C1QTNF2: variants seen among roughly 807,000 people sequenced by gnomAD.
C1QTNF2 encodes C1q and TNF related 2.
A neutral mutation model predicts 17.4 loss-of-function variants in C1QTNF2; 15 were observed. That is an observed-to-expected ratio of 0.86 (90% CI 0.58 to 1.33). The LOEUF (loss-of-function observed/expected upper bound fraction) is 1.33, where lower values mean the gene tolerates loss of function less well. C1QTNF2 is among the 40% of genes most tolerant of loss of function. C1QTNF2 has a pLI of 0.00. For missense variants in C1QTNF2, 381 were observed against 392.3 expected, an observed-to-expected ratio of 0.97 and a Z score of 0.24; for synonymous variants, 154 against 163.3, an observed-to-expected ratio of 0.94 and a Z score of 0.44.
chr5:160,353,853 G>GAGTGC (rs1225947162), intron 2 of C1QTNF2, among the ~76,000 whole-genome samples: 2 of 139,276 alleles, frequency 1.4e-5, no homozygotes, highest in Non-Finnish European at 3.0e-5. Context: ...TCCCAGGCTG[G>GAGTGC]AGTGCAGTGG....
intron 1 of C1QTNF2, among the ~76,000 whole-genome samples, chr5:160,360,955 C>T (rs545770729): frequency 2.0e-4 from 31 of 152,048 alleles, no homozygotes; most frequent in Admixed American, 3.3e-4. Flanking sequence ...CCACCATGCC[C>T]GGCTAATTTT....
Position 160,370,554 on chromosome 5 carries a change from A to G in C1QTNF2, c.-52T>C, listed in dbSNP as rs1184372344. ...ACGTCCAGGGGCGTCCGGAGCAAAG[A>G]AGCTCTCGGCGGGGCTCCGCGTCCC... On this transcript the variant is annotated 5_prime_UTR_variant, in exon 1 of 3. Coordinates refer to ENST00000652664, the MANE Select transcript of C1QTNF2 (RefSeq NM_031908.6). The G allele has an allele frequency of 1.9e-5, 28 of 1,485,614 alleles. No individual in the cohort carries two copies. The highest frequency in any genetic ancestry group is 2.5e-5 in the Non-Finnish European group (28 of 1,124,376). The allele number at this position is 1,485,614 out of a possible 1,614,324, so 92.0% of individuals were successfully genotyped here. A position where few individuals can be genotyped will look rare whatever the true frequency, so the allele number is the denominator to read the frequency against.
chr5:160,358,105 G>A (rs1237332153), intron 1 of C1QTNF2, among the ~76,000 whole-genome samples: 2 of 152,272 alleles, frequency 1.3e-5, no homozygotes, highest in Non-Finnish European at 2.9e-5. Context: ...TGCCTGGGTG[G>A]AAGGGTGTGT....
In C1QTNF2 at chr5:160,356,247, C is replaced by T. The variant is rs555825598; in HGVS notation, c.-9-1227G>A. Among the ~76,000 whole-genome samples, 110 of 152,302 alleles carry T rather than the reference C, an allele frequency of 7.2e-4. 1 individual carries two copies. Among genetic ancestry groups the T allele is most frequent in the African/African-American group, 2.6e-3 (108 of 41,564 alleles). ...TCCCAGGCATGACTTCCTGCCATGG[C>T]GATTAACTATAAAATGGCAACTTGC... On this transcript the variant is annotated intron_variant, in intron 1 of 2. Coordinates refer to ENST00000652664, the MANE Select transcript of C1QTNF2 (RefSeq NM_031908.6).
At chr5:160,365,539 C>A (rs1764231128) in intron 1 of C1QTNF2, among the ~76,000 whole-genome samples, 1 of 151,982 alleles carries the variant, frequency 6.6e-6, no homozygotes, top group East Asian at 1.9e-4. Context: ...AAGTGAGACC[C>A]TCTGGGCAAC....
At chr5:160,364,529 T>C (rs1764212652) in intron 1 of C1QTNF2, among the ~76,000 whole-genome samples, 1 of 152,262 alleles carries the variant, frequency 6.6e-6, no homozygotes, top group South Asian at 2.1e-4. Flanking sequence ...AATGTAATGA[T>C]ACGAGTTTTA....
intron 2 of C1QTNF2, among the ~76,000 whole-genome samples, chr5:160,350,013 T>C (rs897970434): frequency 3.9e-5 from 6 of 152,190 alleles, no homozygotes; most frequent in Non-Finnish European, 8.8e-5. Flanking sequence ...AAAGAATAAC[T>C]TGTAACAGTT....
chr5:160,358,278 C>T (rs1431277504), intron 1 of C1QTNF2, among the ~76,000 whole-genome samples: 1 of 152,166 alleles, frequency 6.6e-6, no homozygotes, highest in Non-Finnish European at 1.5e-5. Context: ...AGGAGAGTCT[C>T]CTTGCCTCCA....
At position 160,354,596 on chromosome 5, in the gene C1QTNF2, AAGT is replaced by A. The variant is rs1490703815; in HGVS notation, c.244+169_244+171del. On this transcript the variant is annotated intron_variant, in intron 2 of 2. Coordinates refer to ENST00000652664, the MANE Select transcript of C1QTNF2 (RefSeq NM_031908.6). ...TCTGTCTCAAGGGGAAAAAAAAAAA[AAGT>A]ATATATATATATATATATATATATA... 5.6e-4 allele frequency among the ~76,000 whole-genome samples: 28 copies of A among 49,920 alleles called. 1 individual carries two copies. Among genetic ancestry groups the A allele is most frequent in the African/African-American group, 1.3e-3 (14 of 11,140 alleles). 32.7% of individuals were successfully genotyped at this position (49,920 alleles called of 152,430 possible). A position where few individuals can be genotyped will look rare whatever the true frequency, so the allele number is the denominator to read the frequency against.
At position 160,349,397 on chromosome 5, in the gene C1QTNF2, A is replaced by T; in HGVS notation, c.629T>A (p.Ile210Asn). The change falls in exon 3 of 3, where the codon ATC becomes AAC. Residue 210 changes from isoleucine to asparagine, a missense_variant. By Grantham distance (149) the Ile-to-Asn change is moderately radical (BLOSUM62 -3). Transcript: ENST00000652664. The surrounding 1 kb of genome is among the most constrained non-coding windows in gnomAD (Gnocchi z 4.3). ...GTACTGGCCGTTGTGCACCAGGCCG[A>T]TGGCCAGGTGCTTGTTGGCCAGCGT... is the stretch of plus-strand genomic sequence containing the variant. Reference protein sequence around the residue: ...DITLANKHLAIGLVHNGQYRI... With the variant: ...DITLANKHLANGLVHNGQYRI... 6.2e-7 allele frequency: 1 copy of T among 1,613,940 alleles called. No individual in the cohort carries two copies. Among genetic ancestry groups the T allele is most frequent in the Non-Finnish European group, 8.5e-7 (1 of 1,179,996 alleles).
Position 160,354,788 on chromosome 5 carries a change from C to A in C1QTNF2, c.224G>T (p.Arg75Leu), listed in dbSNP as rs766761788. The A allele has an allele frequency of 1.7e-5, 27 of 1,613,564 alleles. No individual in the cohort carries two copies. Among genetic ancestry groups the A allele is most frequent in the Non-Finnish European group, 2.2e-5 (26 of 1,179,938 alleles). The change falls in exon 2 of 3, where the codon CGG becomes CTG. Residue 75 changes from arginine (R) to leucine (L), a missense_variant. Coordinates refer to ENST00000652664, the MANE Select transcript of C1QTNF2 (RefSeq NM_031908.6). ...CTTACCTTCCTCTCCGCTGTCCCCC[C>A]GGTCGCCGTCGTGTCCATCTTGGCC... ...KDGQDGHDGDRGDSGEEGPPG... is the reference protein window; with the variant it reads ...KDGQDGHDGDLGDSGEEGPPG...
intron 1 of C1QTNF2, among the ~76,000 whole-genome samples, chr5:160,357,197 C>T (rs535517409): frequency 8.7e-4 from 132 of 152,282 alleles, no homozygotes; most frequent in African/African-American, 2.9e-3. Context: ...TGGCCTTGCC[C>T]GTTTCACACC....
intron 2 of C1QTNF2, among the ~76,000 whole-genome samples, chr5:160,352,134 C>T (rs1035431693): frequency 3.9e-5 from 6 of 152,158 alleles, no homozygotes; most frequent in Admixed American, 1.3e-4. Context: ...TGGTCTCAAA[C>T]TCCTGGCCTC....
intron 2 of C1QTNF2, among the ~76,000 whole-genome samples, chr5:160,352,627 G>T (rs11748304): frequency 1.3e-5 from 2 of 152,118 alleles, no homozygotes; most frequent in Non-Finnish European, 2.9e-5. Flanking sequence ...AGGATCCATA[G>T]GCAAATCTCA....
chr5:160,355,231 A>G, intron 1 of C1QTNF2: 6 of 985,088 alleles, frequency 6.1e-6, no homozygotes, highest in Non-Finnish European at 7.2e-6. Flanking sequence ...CATTACCCAG[A>G]ATACACTTCG....
intron 1 of C1QTNF2, among the ~76,000 whole-genome samples, chr5:160,355,493 C>G (rs1764031025): frequency 6.6e-6 from 1 of 152,152 alleles, no homozygotes; most frequent in Non-Finnish European, 1.5e-5. Flanking sequence ...ATGAGGAGGG[C>G]TGAGGATTCA....
intron 2 of C1QTNF2, among the ~76,000 whole-genome samples, chr5:160,350,472 G>C (rs769965775): frequency 6.6e-6 from 1 of 152,190 alleles, no homozygotes; most frequent in African/African-American, 2.4e-5. Context: ...GGGAAGCTGG[G>C]ACTGGAGGAT....
In C1QTNF2 at chr5:160,349,084, C is replaced by T. The variant is rs1011902403; in HGVS notation, c.*84G>A. The T allele has an allele frequency of 4.0e-6, 6 of 1,503,742 alleles. No individual in the cohort carries two copies. The highest frequency in any genetic ancestry group is 4.5e-5 in the East Asian group (2 of 43,984). 93.1% of individuals were successfully genotyped at this position (1,503,742 alleles called of 1,614,324 possible). A position where few individuals can be genotyped will look rare whatever the true frequency, so the allele number is the denominator to read the frequency against. ...CTAGAACCGCTCACTCGACCCCCCA[C>T]CCCCAGCCTACAGTTGTGGGGTCTT... On this transcript the variant is annotated 3_prime_UTR_variant, in exon 3 of 3. Transcript: ENST00000652664. The surrounding 1 kb of genome is among the most constrained non-coding windows in gnomAD (Gnocchi z 4.3).
intron 2 of C1QTNF2, among the ~76,000 whole-genome samples, chr5:160,354,395 T>A (rs1763986854): frequency 6.6e-6 from 1 of 151,476 alleles, no homozygotes; most frequent in Non-Finnish European, 1.5e-5. Flanking sequence ...CTGGCCAACA[T>A]GGTGAAACCC....
Sources: gnomAD v4.1 joint callset for allele counts (sites outside exome capture counted in the v4.1 genomes callset) on GRCh38, gnomAD v4.1.1 for gene constraint, Gnocchi (gnomAD v3.1) non-coding constraint, MANE v1.5 for transcripts, NCBI Gene and HGNC (gene_info 2026-07-23, HGNC 2026-07-21) for gene names.